SCML2: variants seen among roughly 807,000 people sequenced by gnomAD.
The protein encoded by SCML2 is sex comb on midleg-like protein 2.
Under a neutral mutation model 48.4 loss-of-function variants are expected in SCML2, and 6 were observed. That is an observed-to-expected ratio of 0.12 (90% CI 0.07 to 0.24). The LOEUF (loss-of-function observed/expected upper bound fraction) is 0.24. Among genes scored for constraint, SCML2 ranks in the 10% least tolerant of loss-of-function variants. The pLI, the probability that SCML2 is intolerant of heterozygous loss-of-function variation, is 1.00. For missense variants in SCML2, 377 were observed against 528.2 expected (o/e 0.71, Z 2.81); for synonymous variants, 181 against 189.5 (o/e 0.95, Z 0.37).
At chrX:18,309,076 G>C (rs1284929401) in intron 6 of SCML2, among the ~76,000 whole-genome samples, 2 of 109,094 alleles carry the variant, frequency 1.8e-5, no homozygotes, top group Admixed American at 2.0e-4. Context: ...CAGGCATGGT[G>C]GCTAGTCCCA....
intron 7 of SCML2, among the ~76,000 whole-genome samples, chrX:18,278,065 A>G (rs771117912): frequency 2.0e-4 from 22 of 112,280 alleles, no homozygotes; most frequent in Non-Finnish European, 3.6e-4. Flanking sequence ...GGCTGAGGTG[A>G]GAGGATCACT....
intron 1 of SCML2, among the ~76,000 whole-genome samples, chrX:18,348,663 C>T (rs1215175821): frequency 9.0e-6 from 1 of 111,564 alleles, no homozygotes; most frequent in East Asian, 2.8e-4. Context: ...ATTTATGAAA[C>T]TCTATCAAGT....
chrX:18,339,807 T>G (rs1831682516), intron 1 of SCML2, among the ~76,000 whole-genome samples: 2 of 111,571 alleles, frequency 1.8e-5, no homozygotes, highest in African/African-American at 6.5e-5. Context: ...AAACCAGAAT[T>G]TTCTTTTTCT....
At chrX:18,296,092 C>T (rs1383276215) in intron 7 of SCML2, among the ~76,000 whole-genome samples, 6 of 110,906 alleles carry the variant, frequency 5.4e-5, no homozygotes, top group Admixed American at 1.9e-4. Context: ...CAAAGGAACA[C>T]GATAATTTTC....
chrX:18,251,309 CAAAAAAAAA>C lies in SCML2; in HGVS notation c.1457-3436_1457-3428del, dbSNP rs750658948. Among the ~76,000 whole-genome samples, 23 of 6,774 alleles carry C rather than the reference CAAAAAAAAA, an allele frequency of 3.4e-3. 1 individual carries two copies. Among genetic ancestry groups the C allele is most frequent in the Admixed American group, 0.019 (17 of 903 alleles). The allele number at this position is 6,774 out of a possible 115,157, so 5.9% of individuals were successfully genotyped here. ...TGGGTAACAGAGCAAGATTCCATTG[CAAAAAAAAA>C]AAAAAAAAAAAAAAAAAAAGTAGGA... On this transcript the variant is annotated intron_variant, in intron 11 of 14. Transcript: ENST00000251900.
At chrX:18,292,210 ACACTTT>A (rs1245898229) in intron 7 of SCML2, among the ~76,000 whole-genome samples, 2 of 111,988 alleles carry the variant, frequency 1.8e-5, no homozygotes, top group Non-Finnish European at 3.8e-5. Context: ...TAGGAAAAAA[ACACTTT>A]CACCTACTTC....
At chrX:18,284,804 G>A (rs1007140091) in intron 7 of SCML2, among the ~76,000 whole-genome samples, 3 of 112,409 alleles carry the variant, frequency 2.7e-5, no homozygotes, top group Non-Finnish European at 5.6e-5. Context: ...ATTTTGGGAG[G>A]CTGAGGCGGG....
At chrX:18,263,271 C>G (rs1763942305) in intron 8 of SCML2, among the ~76,000 whole-genome samples, 1 of 110,774 alleles carries the variant, frequency 9.0e-6, no homozygotes, top group Non-Finnish European at 1.9e-5. Flanking sequence ...GGATCCATAT[C>G]CCCCACGTCA....
At chrX:18,258,883 A>G (rs1224651116) in intron 9 of SCML2, among the ~76,000 whole-genome samples, 1 of 111,856 alleles carries the variant, frequency 8.9e-6, no homozygotes. Flanking sequence ...ATGATATAGA[A>G]GCAATTCATC....
intron 7 of SCML2, among the ~76,000 whole-genome samples, chrX:18,281,861 C>T (rs370643109): frequency 1.8e-5 from 2 of 109,598 alleles, no homozygotes; most frequent in Non-Finnish European, 3.8e-5. Context: ...CTGTGGCTCA[C>T]GCCTGTAATC....
chrX:18,255,215 T>C (rs888941119), intron 11 of SCML2, among the ~76,000 whole-genome samples: 1 of 112,404 alleles, frequency 8.9e-6, no homozygotes, highest in Non-Finnish European at 1.9e-5. Context: ...ATGCCAGGCA[T>C]AATGCAGGCT....
At chrX:18,351,055 G>A (rs887761131) in intron 1 of SCML2, among the ~76,000 whole-genome samples, 1 of 110,634 alleles carries the variant, frequency 9.0e-6, no homozygotes, top group African/African-American at 3.3e-5. Context: ...GATCACCTGA[G>A]GTCAGGAGTT....
intron 6 of SCML2, among the ~76,000 whole-genome samples, chrX:18,316,727 G>A (rs1475462561): frequency 8.9e-6 from 1 of 111,831 alleles, no homozygotes; most frequent in African/African-American, 3.3e-5. Context: ...TGAGCAGCAG[G>A]CAAGCAAGCA....
chrX:18,320,698 G>A (rs1441237689), intron 5 of SCML2, among the ~76,000 whole-genome samples: 2 of 110,844 alleles, frequency 1.8e-5, no homozygotes, highest in African/African-American at 6.6e-5. Context: ...ATAATACAAG[G>A]GGTGATCTAA....
chrX:18,329,936 G>A (rs890644369), intron 3 of SCML2, among the ~76,000 whole-genome samples: 10 of 111,890 alleles, frequency 8.9e-5, no homozygotes, highest in African/African-American at 2.9e-4. Context: ...AAACTAGCCA[G>A]GCGTGGTGGT....
Position 18,316,979 on chromosome X carries a change from T to C in SCML2, c.486+3353A>G, listed in dbSNP as rs1271654105. Among the ~76,000 whole-genome samples the C allele has an allele frequency of 1.8e-5, 2 of 112,372 alleles. 1 individual carries two copies. Among genetic ancestry groups the C allele is most frequent in the Non-Finnish European group, 3.8e-5 (2 of 53,244 alleles). On this transcript the variant is annotated intron_variant, in intron 6 of 14. Transcript: ENST00000251900. ...AATTGTCTTCCACGAAACTGACCCC[T>C]GGTGACAAAAAGGTTGGGGACTGCT...
intron 7 of SCML2, among the ~76,000 whole-genome samples, chrX:18,294,561 G>A (rs185038200): frequency 9.0e-6 from 1 of 110,836 alleles, no homozygotes; most frequent in African/African-American, 3.3e-5. Context: ...GTAGCACAGC[G>A]CCATTCTGAG....
intron 1 of SCML2, chrX:18,341,266 G>C (rs777595478): frequency 3.6e-5 from 24 of 666,960 alleles, no homozygotes; most frequent in Non-Finnish European, 5.2e-5. Flanking sequence ...ATAAGGCCAA[G>C]CTGAAGAAAA....
chrX:18,327,796 A>G (rs189162168), intron 3 of SCML2, among the ~76,000 whole-genome samples: 220 of 111,663 alleles, frequency 2.0e-3, no homozygotes, highest in African/African-American at 6.9e-3. Context: ...CATCTTGATA[A>G]AACTGTTCAT....
Sources: allele counts gnomAD v4.1 joint callset (sites outside exome capture counted in the v4.1 genomes callset), GRCh38; gene constraint gnomAD v4.1.1; transcripts MANE v1.5; gene names NCBI Gene and HGNC (gene_info 2026-07-23, HGNC 2026-07-21).